The following PDZD7 variants were observed in gnomAD, a reference collection of about 807,000 sequenced individuals.
PDZD7 encodes PDZ domain containing 7.
A neutral mutation model predicts 84.7 loss-of-function variants in PDZD7; 72 were observed. The observed-to-expected ratio is 0.85, with a 90% confidence interval of 0.70 to 1.03. The LOEUF (loss-of-function observed/expected upper bound fraction) is 1.03. PDZD7 is among the 50% of genes least tolerant of loss of function. The probability of loss-of-function intolerance (pLI) is 0.00; values close to 1 mark genes in which losing one functional copy is unlikely to be tolerated. For synonymous variants in PDZD7, 594 were observed against 580.7 expected (o/e 1.02, Z -0.33); for missense variants, 1,490 against 1,412.9 (o/e 1.05, Z -0.87).
intron 11 of PDZD7, among the ~76,000 whole-genome samples, chr10:101,012,479 C>G (rs1852430465): frequency 6.6e-6 from 1 of 152,232 alleles, no homozygotes; most frequent in African/African-American, 2.4e-5. Flanking sequence ...TAAATGGCAA[C>G]AGCATCGATA....
intron 2 of PDZD7, among the ~76,000 whole-genome samples, chr10:101,025,309 A>G (rs1261255620): frequency 6.6e-6 from 1 of 151,820 alleles, no homozygotes; most frequent in Non-Finnish European, 1.5e-5. Context: ...TCCCAGGTTT[A>G]AGTGATTCTC....
In PDZD7 at chr10:101,017,402, T is replaced by C; in HGVS notation, c.1522+697A>G. 4 of 435,496 alleles carry C rather than the reference T, an allele frequency of 9.2e-6. No individual in the cohort carries two copies. In the South Asian group the frequency reaches 2.2e-4, roughly 24 times the overall value. 27.0% of individuals were successfully genotyped at this position (435,496 alleles called of 1,614,324 possible). On this transcript the variant is annotated intron_variant, in intron 9 of 16. Transcript: ENST00000619208. The stretch of plus-strand genomic sequence containing the variant: ...GCTTTATTTTTCTTTTACTTTTTTT[T>C]TTTCTTTAGAGACAGGGTCTTGCTA...
At position 101,021,924 on chromosome 10, in the gene PDZD7, G is replaced by A. The variant is rs113256591; in HGVS notation, c.741C>T (p.Ala247=). The change falls in exon 6 of 17, where the codon GCC becomes GCT. Residue 247 remains alanine, a synonymous_variant. Coordinates refer to ENST00000619208, the MANE Select transcript of PDZD7 (RefSeq NM_001195263.2). The part of the protein sequence containing the change: ...YVSKVDHGGL[A]EENGIKVGDQ... ...CCCCCACCTTGATGCCATTCTCCTC[G>A]GCCAGCCCACCATGGTCCACTCTGA... The A allele has an allele frequency of 3.3e-5, 53 of 1,614,018 alleles. No homozygotes were observed. The highest frequency in any genetic ancestry group is 2.5e-4 in the African/African-American group (19 of 74,984).
At chr10:101,023,870 T>C (rs746562719) in intron 3 of PDZD7, 58 bp downstream of exon 3, 3 of 1,612,994 alleles carry the variant, frequency 1.9e-6, no homozygotes, top group Non-Finnish European at 2.5e-6. Flanking sequence ...TCCCCTGCCA[T>C]TCACTGAGAT....
chr10:101,023,840 G>A (rs542937277), intron 3 of PDZD7, 88 bp downstream of exon 3: 54 of 1,602,456 alleles, frequency 3.4e-5, no homozygotes, highest in East Asian at 1.6e-4. Flanking sequence ...GGACTCTTCC[G>A]TCTGTCCCTG....
chr10:101,023,631 G>T, intron 3 of PDZD7, 21 bp from the exon 4 acceptor site: 1 of 1,608,674 alleles, frequency 6.2e-7, no homozygotes. Flanking sequence ...GGATGGGAGT[G>T]GCTGGCATGG....
In PDZD7 at chr10:101,030,103, T is replaced by C; in HGVS notation, c.117A>G (p.Ala39=). 1 of 1,614,184 alleles carries C rather than the reference T, an allele frequency of 6.2e-7. No individual in the cohort carries two copies. The highest frequency in any genetic ancestry group is 8.5e-7 in the Non-Finnish European group (1 of 1,180,026). ...GHLGSDSGST[A]TRYLLRKQQR... ...GTTGCTTCCTTAGCAGGTATCGCGT[T>C]GCGGTGGAGCCTGAGTCGCTGCCTA... The change falls in exon 2 of 17, where the codon GCA becomes GCG. Residue 39 remains alanine (A), a synonymous_variant. Transcript: ENST00000619208.
intron 15 of PDZD7, 52 bp downstream of exon 15, chr10:101,010,220 A>G (rs1190911877): frequency 1.4e-5 from 21 of 1,468,500 alleles, no homozygotes; most frequent in Non-Finnish European, 1.9e-5. Context: ...TTCTTTTCCT[A>G]GGCCCAGGCT....
Position 101,018,936 on chromosome 10 carries a change from G to T in PDZD7, c.1210C>A (p.Pro404Thr). Residue 404 changes from proline (P) to threonine (T), a missense_variant, in exon 8 of 17, where the codon CCC (proline) becomes ACC (threonine). Coordinates refer to ENST00000619208, the MANE Select transcript of PDZD7 (RefSeq NM_001195263.2). Reference protein sequence around the residue: ...DTAIRSDGPHPGRRLDSALSE... With the variant: ...DTAIRSDGPHTGRRLDSALSE... ...AGCGCAGAGTCAAGGCGGCGGCCGG[G>T]ATGGGGGCCGTCCGAGCGGATGGCG... 2 of 1,602,722 alleles carry T rather than the reference G, an allele frequency of 1.2e-6. No homozygotes were observed. The highest frequency in any genetic ancestry group is 1.7e-4 in the Middle Eastern group (1 of 6,028).
rs1852421715 is a variant in PDZD7 at position 101,012,232 on chromosome 10, G to C, written c.1776C>G (p.Asp592Glu). ...SRYVHEGGIE[D>E]LVRPLLAILD... ...GGATGGCCAGCAGGGGCCTCACCAG[G>C]TCCTCTATGCCTCCCTCGTGCACAT... is the stretch of plus-strand genomic sequence containing the variant. The change falls in exon 12 of 17, where the codon GAC (aspartate) becomes GAG (glutamate). Residue 592 changes from aspartate to glutamate, a missense_variant. Coordinates refer to ENST00000619208, the MANE Select transcript of PDZD7 (RefSeq NM_001195263.2). The C allele has an allele frequency of 1.1e-5, 17 of 1,550,152 alleles. No homozygotes were observed. Among genetic ancestry groups the C allele is most frequent in the Non-Finnish European group, 1.5e-5 (17 of 1,146,986 alleles).
Position 101,017,896 on chromosome 10 carries a change from G to GAAAGA in PDZD7, c.1522+198_1522+202dup, listed in dbSNP as rs1564632726. On this transcript the variant is annotated intron_variant, in intron 9 of 16. Transcript: ENST00000619208. ...GAAAGAAAGAAAGAAAGAAAGAAAA[G>GAAAGA]AAAGAAAGAAAGAAAGAAAAGAAAG... is the stretch of plus-strand genomic sequence containing the variant. The GAAAGA allele has an allele frequency of 2.6e-3, 1,014 of 391,478 alleles. 12 individuals carry two copies. The highest frequency in any genetic ancestry group is 0.022 in the East Asian group (506 of 23,464). The allele number at this position is 391,478 out of a possible 1,614,324, so 24.3% of individuals were successfully genotyped here. A position where few individuals can be genotyped will look rare whatever the true frequency, so the allele number is the denominator to read the frequency against.
intron 11 of PDZD7, among the ~76,000 whole-genome samples, chr10:101,013,614 G>T (rs1852472766): frequency 6.6e-6 from 1 of 152,196 alleles, no homozygotes; most frequent in African/African-American, 2.4e-5. Context: ...GAGCCTCCCT[G>T]CAGGGCTGCT....
Position 101,011,759 on chromosome 10 carries a change from G to T in PDZD7, c.1936C>A (p.Arg646=). The T allele has an allele frequency of 6.5e-7, 1 of 1,549,586 alleles. No homozygotes were observed. The highest frequency in any genetic ancestry group is 1.4e-5 in the African/African-American group (1 of 73,172). The change falls in exon 14 of 17, where the codon CGG becomes AGG. Residue 646 remains arginine, a splice_region_variant and synonymous_variant. Transcript: ENST00000619208. ...AFEALKSRAV[R]PPALRPARQD... The stretch of plus-strand genomic sequence containing the variant: ...CGGGCTGGTCTCAAAGCAGGAGGCC[G>T]GACTGGTTGGAGAGATGAACAGGTC...
rs1378060521 is a variant in PDZD7, at chr10:101,030,029, A to T, written c.191T>A (p.Met64Lys). 2 of 1,469,468 alleles carry T rather than the reference A, an allele frequency of 1.4e-6. No individual in the cohort carries two copies. The highest frequency in any genetic ancestry group is 2.9e-5 in the African/African-American group (2 of 69,280). 91.0% of individuals were successfully genotyped at this position (1,469,468 alleles called of 1,614,324 possible). Residue 64 changes from methionine to lysine, a missense_variant, in exon 2 of 17, where the codon ATG (methionine) becomes AAG (lysine). By Grantham distance (95) the Met-to-Lys change is moderately conservative (BLOSUM62 -1). Transcript: ENST00000619208. ...PPRGIRASSP[M>K]GRVILINSPI... ...GGAGTTGATGAGGATGACGCGTCCCATGGGCGATGAGGCTCGGATTCCGCG... is the reference window on the plus strand; with the variant it reads ...GGAGTTGATGAGGATGACGCGTCCCTTGGGCGATGAGGCTCGGATTCCGCG...
intron 7 of PDZD7, among the ~76,000 whole-genome samples, chr10:101,019,771 G>T (rs1852970632): frequency 6.6e-6 from 1 of 151,400 alleles, no homozygotes; most frequent in Non-Finnish European, 1.5e-5. Context: ...TATGACAGGT[G>T]CCCACCACCA....
At chr10:101,018,362 G>A in intron 8 of PDZD7, 66 bp from the exon 9 acceptor site, 2 of 1,549,264 alleles carry the variant, frequency 1.3e-6, no homozygotes, top group African/African-American at 1.4e-5. Flanking sequence ...GAGGGGCAGG[G>A]GTGTGGGGAG....
chr10:101,017,817 GGAAA>G (rs1197326362), intron 9 of PDZD7: 10 of 370,898 alleles, frequency 2.7e-5, no homozygotes, highest in Admixed American at 6.7e-5. Context: ...AAGAAAGAAA[GGAAA>G]GAAAGGAAGG....
At position 101,015,288 on chromosome 10, in the gene PDZD7, T is replaced by G. The variant is rs560496761; in HGVS notation, c.1749+348A>C. ...TCCCCACGTGGCACCTGTCCGCTCC[T>G]TCTCTTCTCAGCTTAAATATCACCT... On this transcript the variant is annotated intron_variant, in intron 11 of 16. Transcript: ENST00000619208. Among the ~76,000 whole-genome samples the G allele has an allele frequency of 1.2e-4, 18 of 152,280 alleles. No homozygotes were observed. The East Asian group carries it at 3.3e-3, about 28-fold the overall frequency.
At chr10:101,029,009 G>A (rs1025282008) in intron 2 of PDZD7, among the ~76,000 whole-genome samples, 2 of 152,212 alleles carry the variant, frequency 1.3e-5, no homozygotes, top group Non-Finnish European at 2.9e-5. Flanking sequence ...AGCAGGGCCT[G>A]AACAGTCCAG....
Sources: gnomAD v4.1 joint callset for allele counts (sites outside exome capture counted in the v4.1 genomes callset) on GRCh38, gnomAD v4.1.1 for gene constraint, MANE v1.5 for transcripts, NCBI Gene and HGNC (gene_info 2026-07-23, HGNC 2026-07-21) for gene names.